MACROD2: variants seen among roughly 807,000 people sequenced by gnomAD.
MACROD2 encodes the protein mono-ADP ribosylhydrolase 2, also known as ADP-ribose glycohydrolase MACROD2.
A neutral mutation model predicts 70.4 loss-of-function variants in MACROD2; 36 were observed. The observed-to-expected ratio is 0.51, with a 90% CI of 0.39 to 0.68. The LOEUF is 0.68. Among genes scored for constraint, MACROD2 ranks in the 30% least tolerant of loss-of-function variants. The pLI, the probability that MACROD2 is intolerant of heterozygous loss-of-function variation, is 0.00. For missense variants in MACROD2, 496 were observed against 538.4 expected (o/e 0.92, Z 0.78); for synonymous variants, 172 against 178.8 (o/e 0.96, Z 0.30).
chr20:14,860,503 G>T (rs1435938997), intron 5 of MACROD2, among the ~76,000 whole-genome samples: 2 of 152,080 alleles, frequency 1.3e-5, no homozygotes, highest in African/African-American at 4.8e-5. Flanking sequence ...AGAAAACACC[G>T]CTGCACCTCC....
intron 5 of MACROD2, among the ~76,000 whole-genome samples, chr20:15,044,685 C>T (rs2075379775): frequency 6.6e-6 from 1 of 152,116 alleles, no homozygotes; most frequent in East Asian, 1.9e-4. Context: ...ACTACACTTT[C>T]TTTTCAAGCC....
chr20:15,217,191 G>A (rs151286510), intron 5 of MACROD2, among the ~76,000 whole-genome samples: 38 of 152,252 alleles, frequency 2.5e-4, no homozygotes, highest in African/African-American at 8.4e-4. Flanking sequence ...TGAACTTTGA[G>A]AGTATAATGA....
chr20:15,821,143 C>A (rs1378023134), intron 8 of MACROD2, among the ~76,000 whole-genome samples: 4 of 152,084 alleles, frequency 2.6e-5, no homozygotes, highest in African/African-American at 7.2e-5. Context: ...AAATTCAGTT[C>A]TTCTCCTTTA....
chr20:15,362,881 A>G (rs1213183262), intron 6 of MACROD2, among the ~76,000 whole-genome samples: 1 of 151,816 alleles, frequency 6.6e-6, no homozygotes, highest in African/African-American at 2.4e-5. Flanking sequence ...AAAGCTAAGG[A>G]ATCTGATATA....
At chr20:14,568,790 A>T (rs917622049) in intron 4 of MACROD2, among the ~76,000 whole-genome samples, 2 of 151,994 alleles carry the variant, frequency 1.3e-5, no homozygotes, top group African/African-American at 2.4e-5. Context: ...GAAGTAACAT[A>T]CATTTTTCTA....
chr20:14,713,587 G>C (rs1282705218), intron 5 of MACROD2, among the ~76,000 whole-genome samples: 1 of 152,112 alleles, frequency 6.6e-6, no homozygotes, highest in Non-Finnish European at 1.5e-5. Context: ...CTGGGCCAAG[G>C]TAAAGCATAT....
chr20:14,702,477 T>C (rs2071207541), intron 5 of MACROD2, among the ~76,000 whole-genome samples: 1 of 150,802 alleles, frequency 6.6e-6, no homozygotes, highest in South Asian at 2.1e-4. Flanking sequence ...TTTTTAACTG[T>C]ACACAAATGG....
chr20:15,645,120 TA>T (rs757671591), intron 8 of MACROD2, among the ~76,000 whole-genome samples: 1 of 152,218 alleles, frequency 6.6e-6, no homozygotes, highest in Non-Finnish European at 1.5e-5. Flanking sequence ...TGACTCAAAA[TA>T]AATGATTGTC....
Position 15,933,474 on chromosome 20 carries a change from C to T in MACROD2, c.838+136C>T. 4.3e-6 allele frequency: 3 copies of T among 698,532 alleles called. No individual in the cohort carries two copies. The Admixed American group carries it at 8.5e-5, about 20-fold the overall frequency. The allele number at this position is 698,532 out of a possible 1,614,324, so 43.3% of individuals were successfully genotyped here. ...TCCAGTGTTCATTCAGGGTCTCCCT[C>T]AGGAAGCCACCATCTCCGATAACTA... is the stretch of plus-strand genomic sequence containing the variant. On this transcript the variant is annotated intron_variant, in intron 11 of 17. Transcript: ENST00000684519.
At chr20:15,566,234 A>C (rs1316243955) in intron 8 of MACROD2, among the ~76,000 whole-genome samples, 5 of 152,202 alleles carry the variant, frequency 3.3e-5, no homozygotes, top group Admixed American at 3.3e-4. Context: ...CTGTAATCCA[A>C]GCACTCTGGG....
intron 8 of MACROD2, among the ~76,000 whole-genome samples, chr20:15,808,575 T>C (rs2063790271): frequency 6.6e-6 from 1 of 152,206 alleles, no homozygotes; most frequent in South Asian, 2.1e-4. Context: ...TGTTCTATTA[T>C]TTTATTATTT....
chr20:15,195,025 A>G (rs1185819571), intron 5 of MACROD2, among the ~76,000 whole-genome samples: 1 of 152,208 alleles, frequency 6.6e-6, no homozygotes, highest in Non-Finnish European at 1.5e-5. Flanking sequence ...AGAACTGGCT[A>G]GCCATATGCA....
chr20:15,878,525 AG>A (rs780920808), intron 9 of MACROD2, among the ~76,000 whole-genome samples: 1 of 152,090 alleles, frequency 6.6e-6, no homozygotes, highest in Non-Finnish European at 1.5e-5. Context: ...CCTTAAATAA[AG>A]TTCTACGGGG....
chr20:14,839,843 AG>A (rs2073068332), intron 5 of MACROD2, among the ~76,000 whole-genome samples: 2 of 152,238 alleles, frequency 1.3e-5, no homozygotes, highest in South Asian at 4.2e-4. Flanking sequence ...AGGTTTTACC[AG>A]AAATTCTCAA....
At chr20:15,869,238 T>TATATATAGAG in intron 9 of MACROD2, among the ~76,000 whole-genome samples, 59 of 28,274 alleles carry the variant, frequency 2.1e-3, no homozygotes, top group East Asian at 0.01. Context: ...TATATATATA[T>TATATATAGAG]AGAGAGAGAG....
chr20:14,857,494 T>A (rs1444329961), intron 5 of MACROD2, among the ~76,000 whole-genome samples: 1 of 152,186 alleles, frequency 6.6e-6, no homozygotes, highest in East Asian at 1.9e-4. Flanking sequence ...TTCTTTTAGA[T>A]AATGTATCAA....
intron 5 of MACROD2, among the ~76,000 whole-genome samples, chr20:15,054,570 C>G (rs909479464): frequency 6.6e-6 from 1 of 152,056 alleles, no homozygotes; most frequent in Non-Finnish European, 1.5e-5. Context: ...CTACAGTATA[C>G]TACACACACA....
At chr20:15,737,214 T>A (rs926486560) in intron 8 of MACROD2, among the ~76,000 whole-genome samples, 11 of 152,178 alleles carry the variant, frequency 7.2e-5, no homozygotes, top group Non-Finnish European at 1.3e-4. Context: ...TTTAGATGTG[T>A]TCAATTTAAA....
chr20:14,346,133 G>A (rs547330616), intron 3 of MACROD2, among the ~76,000 whole-genome samples: 5 of 135,868 alleles, frequency 3.7e-5, no homozygotes, highest in Non-Finnish European at 1.6e-5. Context: ...AAGTAAGAGA[G>A]CAATTCCCTT....
Sources: allele counts gnomAD v4.1 joint callset (sites outside exome capture counted in the v4.1 genomes callset), GRCh38; gene constraint gnomAD v4.1.1; transcripts MANE v1.5; gene names NCBI Gene and HGNC (gene_info 2026-07-23, HGNC 2026-07-21).